Variants in POLI observed in about 807,000 individuals in gnomAD.
POLI encodes the protein RAD30 homolog B.
POLI carries 58 observed loss-of-function variants against 51.6 expected under a neutral mutation model. The observed-to-expected ratio is 1.12, with a 90% confidence interval of 0.91 to 1.40. The LOEUF is 1.40. Ranked by LOEUF, POLI falls within the 40% of genes most tolerant of loss-of-function variation. The pLI, the probability that POLI is intolerant of heterozygous loss-of-function variation, is 0.00. For missense variants in POLI, 921 were observed against 871.3 expected, an observed-to-expected ratio of 1.06 and a Z score of -0.72; for synonymous variants, 322 against 299.7, an observed-to-expected ratio of 1.07 and a Z score of -0.77.
At chr18:54,289,550 A>G (rs567170754) in intron 8 of POLI, among the ~76,000 whole-genome samples, 1 of 152,028 alleles carries the variant, frequency 6.6e-6, no homozygotes, top group South Asian at 2.1e-4. Flanking sequence ...ACAAAGCTGG[A>G]GGCATCATGC....
At chr18:54,283,455 G>GGT (rs1157431059) in intron 6 of POLI, among the ~76,000 whole-genome samples, 1 of 152,090 alleles carries the variant, frequency 6.6e-6, no homozygotes, top group Non-Finnish European at 1.5e-5. Flanking sequence ...AAAGCATCAA[G>GGT]GTAGGTAGTA....
chr18:54,296,880 G>A lies in POLI; in HGVS notation c.*2413G>A. On this transcript the variant is annotated 3_prime_UTR_variant, in exon 10 of 10. Transcript: ENST00000579534. ...TAAAAGTCAAATATATGATATTTTT[G>A]ATAATTTCAATATTTTAAGTCTTTA... is the stretch of plus-strand genomic sequence containing the variant. The A allele has an allele frequency of 2.3e-6, 2 of 875,312 alleles. No homozygotes were observed. Among genetic ancestry groups the A allele is most frequent in the Non-Finnish European group, 1.4e-6 (1 of 730,508 alleles). The allele number at this position is 875,312 out of a possible 1,614,324, so 54.2% of individuals were successfully genotyped here. A position where few individuals can be genotyped will look rare whatever the true frequency, so the allele number is the denominator to read the frequency against.
At chr18:54,321,229 A>C (rs2088783466) in exon 5 of POLI, 2 of 152,238 alleles carry the variant, frequency 1.3e-5, no homozygotes, top group East Asian at 3.8e-4. Context: ...TCATTTCAAA[A>C]ATGTTAAATA....
intron 7 of POLI, 186 bp downstream of exon 7, chr18:54,284,199 C>G (rs1599201405): frequency 4.8e-6 from 2 of 413,726 alleles, no homozygotes; most frequent in Non-Finnish European, 8.8e-6. Context: ...GGGGGTCTTA[C>G]CTAAATTGAA....
In POLI at chr18:54,295,206, A is replaced by T; in HGVS notation, c.*739A>T. The stretch of plus-strand genomic sequence containing the variant: ...AAGGCAAGGTGATGGGCCTATAAGC[A>T]TACTGGATAATGGAAGAAGTCCATT... On this transcript the variant is annotated 3_prime_UTR_variant, in exon 10 of 10. Transcript: ENST00000579534. The T allele has an allele frequency of 1.0e-6, 1 of 985,430 alleles. No homozygotes were observed. The highest frequency in any genetic ancestry group is 1.2e-6 in the Non-Finnish European group (1 of 829,926). The allele number at this position is 985,430 out of a possible 1,614,324, so 61.0% of individuals were successfully genotyped here.
chr18:54,277,281 CTT>C (rs771403294), intron 3 of POLI, among the ~76,000 whole-genome samples: 41 of 152,126 alleles, frequency 2.7e-4, no homozygotes, highest in Non-Finnish European at 5.7e-4. Context: ...TGTTTTGCCT[CTT>C]TTAAACTCTT....
At chr18:54,303,481 T>C (rs2088527545) in intron 3 of POLI, among the ~76,000 whole-genome samples, 1 of 152,190 alleles carries the variant, frequency 6.6e-6, no homozygotes, top group Admixed American at 6.5e-5. Flanking sequence ...TATAATTCTT[T>C]GTCTTATTTA....
rs942934860 is a variant in POLI at position 54,296,892 on chromosome 18, A to G, written c.*2425A>G. On this transcript the variant is annotated 3_prime_UTR_variant, in exon 10 of 10. Coordinates refer to ENST00000579534, the MANE Select transcript of POLI (RefSeq NM_007195.3). ...ATATGATATTTTTGATAATTTCAAT[A>G]TTTTAAGTCTTTATAAGTCTACATT... 2 of 912,660 alleles carry G rather than the reference A, an allele frequency of 2.2e-6. No individual in the cohort carries two copies. The highest frequency in any genetic ancestry group is 2.6e-6 in the Non-Finnish European group (2 of 764,320). 56.5% of individuals were successfully genotyped at this position (912,660 alleles called of 1,614,324 possible).
chr18:54,280,225 G>A (rs1385063704), intron 4 of POLI, among the ~76,000 whole-genome samples: 1 of 152,224 alleles, frequency 6.6e-6, no homozygotes, highest in East Asian at 1.9e-4. Flanking sequence ...GGCTGGAAAA[G>A]TCAAGGTTAG....
chr18:54,276,806 T>C (rs1161390694), intron 3 of POLI, among the ~76,000 whole-genome samples: 5 of 152,214 alleles, frequency 3.3e-5, no homozygotes, highest in Admixed American at 6.5e-5. Flanking sequence ...GCACCTTTGG[T>C]GTTTGTGAAA....
chr18:54,306,711 T>C (rs574774971), intron 3 of POLI, among the ~76,000 whole-genome samples: 22 of 152,168 alleles, frequency 1.4e-4, no homozygotes, highest in Non-Finnish European at 2.9e-4. Flanking sequence ...TCCTGGACTT[T>C]TTTTGGTTGG....
At position 54,280,839 on chromosome 18, in the gene POLI, A is replaced by G. The variant is rs768597244; in HGVS notation, c.732A>G (p.Thr244=). The change falls in exon 5 of 10, where the codon ACA becomes ACG. Residue 244 remains threonine (T), a synonymous_variant. Coordinates refer to ENST00000579534, the MANE Select transcript of POLI (RefSeq NM_007195.3). ...GTGTCTTTAAACCAAATCAACAAAC[A>G]GTCTTATTACCTGAAAGTTGTCAAC... ...VSGVFKPNQQ[T]VLLPESCQHL... 3.1e-6 allele frequency: 5 copies of G among 1,613,658 alleles called. No individual in the cohort carries two copies. The African/African-American group carries it at 6.7e-5, about 22-fold the overall frequency.
chr18:54,293,788 T>G lies in POLI; in HGVS notation c.1544T>G (p.Ile515Ser), dbSNP rs1476348755. The G allele has an allele frequency of 1.2e-6, 2 of 1,606,520 alleles. No homozygotes were observed. The highest frequency in any genetic ancestry group is 1.7e-6 in the Non-Finnish European group (2 of 1,175,850). Residue 515 changes from isoleucine (I) to serine (S), a missense_variant, in exon 10 of 10, where the codon ATT (isoleucine) becomes AGT (serine). Physicochemically the swap from Ile to Ser is moderately radical, Grantham distance 142 (BLOSUM62 -2). Transcript: ENST00000579534. ...DTTNFSKEKD[I>S]NEFPLCSLPE... ...ACAAATTTTTCTAAAGAAAAAGACA[T>G]TAATGAATTCCCACTCTGTTCACTT...
At chr18:54,319,903 C>T (rs2088773600) in intron 3 of POLI, among the ~76,000 whole-genome samples, 1 of 152,082 alleles carries the variant, frequency 6.6e-6, no homozygotes, top group Non-Finnish European at 1.5e-5. Flanking sequence ...TTTCTGATTT[C>T]AAGATTTTTA....
chr18:54,316,486 A>G (rs1240724091), intron 3 of POLI, among the ~76,000 whole-genome samples: 1 of 152,214 alleles, frequency 6.6e-6, no homozygotes, highest in Non-Finnish European at 1.5e-5. Flanking sequence ...TTATTGAGAG[A>G]GTGGATTAGC....
intron 8 of POLI, among the ~76,000 whole-genome samples, chr18:54,289,355 A>G (rs1255042436): frequency 6.6e-6 from 1 of 152,056 alleles, no homozygotes; most frequent in East Asian, 1.9e-4. Context: ...GGATAAGTGT[A>G]TGGGTTGGAG....
chr18:54,295,090 G>C lies in POLI; in HGVS notation c.*623G>C. 6.1e-6 allele frequency: 6 copies of C among 985,478 alleles called. No homozygotes were observed. The highest frequency in any genetic ancestry group is 7.2e-6 in the Non-Finnish European group (6 of 829,964). 61.0% of individuals were successfully genotyped at this position (985,478 alleles called of 1,614,324 possible). On this transcript the variant is annotated 3_prime_UTR_variant, in exon 10 of 10. Transcript: ENST00000579534. ...ATGGTTTGGCTAGGGCCAGGGTGGG[G>C]AGTTAAAGTGAGAGGAGGGTATATG...
Position 54,273,394 on chromosome 18 carries a change from T to C in POLI, c.242-532T>C, listed in dbSNP as rs1302021709. On this transcript the variant is annotated intron_variant, in intron 2 of 9. Coordinates refer to ENST00000579534, the MANE Select transcript of POLI (RefSeq NM_007195.3). ...CTCAATTATTTTCATCCGTTTTTTT[T>C]TTTTTTGGTAGAACATGCCCTATTA... Among the ~76,000 whole-genome samples, 11 of 151,752 alleles carry C rather than the reference T, an allele frequency of 7.2e-5. No homozygotes were observed. The East Asian group carries it at 2.1e-3, about 29-fold the overall frequency.
chr18:54,305,812 G>T (rs1253764252), intron 3 of POLI, among the ~76,000 whole-genome samples: 1 of 151,924 alleles, frequency 6.6e-6, no homozygotes, highest in African/African-American at 2.4e-5. Flanking sequence ...AGGCTGGAGT[G>T]CAGTGGTGCT....
Sources: allele counts gnomAD v4.1 joint callset (sites outside exome capture counted in the v4.1 genomes callset), GRCh38; gene constraint gnomAD v4.1.1; transcripts MANE v1.5; gene names NCBI Gene and HGNC (gene_info 2026-07-23, HGNC 2026-07-21).